The following EXOC4 variants were observed in gnomAD, a reference collection of about 807,000 sequenced individuals.
The protein encoded by EXOC4 is exocyst complex component 4, also known as SEC8-like 1.
In EXOC4, 71 loss-of-function variants were observed where a neutral mutation model predicts 107.2. That is an observed-to-expected ratio of 0.66 (90% CI 0.55 to 0.81). The LOEUF (loss-of-function observed/expected upper bound fraction) is 0.81, where lower values mean the gene tolerates loss of function less well. Ranked by LOEUF, EXOC4 falls within the 30% of genes least tolerant of loss-of-function variation. EXOC4 has a pLI of 0.00. For synonymous variants in EXOC4, 456 were observed against 441.2 expected (o/e 1.03, Z -0.42); for missense variants, 1,108 against 1,189.6 (o/e 0.93, Z 1.01).
chr7:133,588,279 C>T (rs533287720), intron 9 of EXOC4, among the ~76,000 whole-genome samples: 8 of 152,176 alleles, frequency 5.3e-5, no homozygotes, highest in Non-Finnish European at 1.2e-4. Flanking sequence ...GAATTAAATA[C>T]CATGGACACA....
At chr7:133,435,460 T>C (rs1432988436) in intron 7 of EXOC4, among the ~76,000 whole-genome samples, 2 of 152,102 alleles carry the variant, frequency 1.3e-5, no homozygotes, top group African/African-American at 4.8e-5. Flanking sequence ...AGAACCAAGG[T>C]GGTTAGAATT....
intron 10 of EXOC4, among the ~76,000 whole-genome samples, chr7:133,688,774 A>C (rs1794360812): frequency 6.6e-6 from 1 of 152,204 alleles, no homozygotes; most frequent in South Asian, 2.1e-4. Flanking sequence ...TCCTGTGTGA[A>C]AGTGTTGACA....
At chr7:134,047,402 C>T (rs1795681961) in intron 17 of EXOC4, among the ~76,000 whole-genome samples, 1 of 151,750 alleles carries the variant, frequency 6.6e-6, no homozygotes, top group Admixed American at 6.6e-5. Context: ...GAAAGGGCCA[C>T]GTAAAAAAAA....
chr7:133,414,933 G>A (rs780551641), intron 7 of EXOC4, among the ~76,000 whole-genome samples: 5 of 151,932 alleles, frequency 3.3e-5, no homozygotes, highest in Admixed American at 6.6e-5. Flanking sequence ...ACCCCCAACC[G>A]CTGCCAGCCT....
intron 7 of EXOC4, among the ~76,000 whole-genome samples, chr7:133,426,418 G>A (rs895017970): frequency 1.3e-5 from 2 of 152,192 alleles, no homozygotes; most frequent in Admixed American, 6.5e-5. Context: ...ATATTATATT[G>A]TCTGAGGCCC....
chr7:133,612,756 T>C (rs1802099789), intron 9 of EXOC4, among the ~76,000 whole-genome samples: 1 of 152,084 alleles, frequency 6.6e-6, no homozygotes, highest in African/African-American at 2.4e-5. Context: ...CTGGGATTCT[T>C]TATGTTTTGA....
At chr7:133,600,514 C>T (rs1801781543) in intron 9 of EXOC4, among the ~76,000 whole-genome samples, 1 of 152,168 alleles carries the variant, frequency 6.6e-6, no homozygotes, top group African/African-American at 2.4e-5. Context: ...GCAGTGTACC[C>T]TCTATTACTT....
At chr7:133,745,357 T>C (rs1429105794) in intron 10 of EXOC4, among the ~76,000 whole-genome samples, 3 of 152,162 alleles carry the variant, frequency 2.0e-5, no homozygotes, top group Non-Finnish European at 4.4e-5. Flanking sequence ...ATATAATCTT[T>C]AGTAAGTTCT....
At position 133,802,656 on chromosome 7, in the gene EXOC4, C is replaced by G. The variant is rs931977843; in HGVS notation, c.1515-14669C>G. On this transcript the variant is annotated intron_variant, in intron 10 of 17. Transcript: ENST00000253861. ...GGCGGATCACCCAAGTTCAGGAGTT[C>G]AAGAGCAGCCTGCCCAACATGGCTA... Among the ~76,000 whole-genome samples the G allele has an allele frequency of 2.0e-5, 3 of 151,816 alleles. No individual in the cohort carries two copies. The South Asian group carries it at 6.2e-4, about 32-fold the overall frequency.
intron 1 of EXOC4, among the ~76,000 whole-genome samples, chr7:133,261,012 ATAT>A (rs746115457): frequency 4.7e-4 from 71 of 152,078 alleles, no homozygotes; most frequent in Middle Eastern, 3.4e-3. Flanking sequence ...ATCCTATCTA[ATAT>A]TATTTTTATC....
chr7:133,935,651 GA>G, intron 13 of EXOC4, among the ~76,000 whole-genome samples: 1 of 152,094 alleles, frequency 6.6e-6, no homozygotes, highest in Non-Finnish European at 1.5e-5. Flanking sequence ...ACAGACCTAA[GA>G]ATAATAACAA....
chr7:133,361,966 A>G (rs180856847), intron 6 of EXOC4, among the ~76,000 whole-genome samples: 64 of 152,206 alleles, frequency 4.2e-4, no homozygotes, highest in Admixed American at 1.0e-3. Flanking sequence ...TTCCTTTTCA[A>G]TGAATTATTT....
chr7:133,878,327 A>G (rs1035576831), intron 11 of EXOC4, among the ~76,000 whole-genome samples: 1 of 152,228 alleles, frequency 6.6e-6, no homozygotes, highest in Admixed American at 6.5e-5. Context: ...AATCCCTAAC[A>G]GTCACATTTT....
intron 10 of EXOC4, among the ~76,000 whole-genome samples, chr7:133,746,221 A>T (rs958726605): frequency 6.6e-6 from 1 of 151,994 alleles, no homozygotes; most frequent in Non-Finnish European, 1.5e-5. Flanking sequence ...TCAGTCTGAG[A>T]AAATCCTAGG....
At chr7:133,521,227 C>T (rs946432939) in intron 9 of EXOC4, among the ~76,000 whole-genome samples, 8 of 152,006 alleles carry the variant, frequency 5.3e-5, no homozygotes, top group African/African-American at 1.9e-4. Flanking sequence ...AATTGAAAAC[C>T]CTAGACATTA....
rs192178123 is a variant in EXOC4 at position 133,350,277 on chromosome 7, G to A, written c.764-6053G>A. ...CAATGTCATAAAGCTTTTGCCCTGT[G>A]TTTTCTTCTGAGAGTTTTATTGTTT... On this transcript the variant is annotated intron_variant, in intron 5 of 17. Transcript: ENST00000253861. 2.4e-4 allele frequency among the ~76,000 whole-genome samples: 36 copies of A among 152,074 alleles called. No homozygotes were observed. The East Asian group carries it at 6.6e-3, about 28-fold the overall frequency.
rs557382107 is a variant in EXOC4 at position 133,809,128 on chromosome 7, T to G, written c.1515-8197T>G. Among the ~76,000 whole-genome samples the G allele has an allele frequency of 1.1e-4, 16 of 152,352 alleles. No homozygotes were observed. The South Asian group carries it at 2.9e-3, about 28-fold the overall frequency. The stretch of plus-strand genomic sequence containing the variant: ...ATTCATGCTACAGGCTTGTTTTTAC[T>G]GTTGTTTGCATTCTTTACATAAAAC... On this transcript the variant is annotated intron_variant, in intron 10 of 17. Transcript: ENST00000253861.
chr7:133,975,428 G>A (rs1290202538), intron 14 of EXOC4, among the ~76,000 whole-genome samples: 2 of 151,976 alleles, frequency 1.3e-5, no homozygotes, highest in Non-Finnish European at 2.9e-5. Flanking sequence ...GCATAATTCT[G>A]ACCAAAAGGA....
chr7:133,594,957 C>T (rs1416107360), intron 9 of EXOC4, among the ~76,000 whole-genome samples: 3 of 152,056 alleles, frequency 2.0e-5, no homozygotes, highest in Admixed American at 2.0e-4. Flanking sequence ...TATTTCAGAT[C>T]CAATGGTCAG....
Sources: allele counts gnomAD v4.1 joint callset (sites outside exome capture counted in the v4.1 genomes callset), GRCh38; gene constraint gnomAD v4.1.1; transcripts MANE v1.5; gene names NCBI Gene and HGNC (gene_info 2026-07-23, HGNC 2026-07-21).